Variants in NT5DC1 observed in about 807,000 individuals in gnomAD.
NT5DC1 encodes 5'-nucleotidase domain containing 1, also known as 5'-nucleotidase domain-containing protein 1.
In NT5DC1, 42 loss-of-function variants were observed where a neutral mutation model predicts 59.4. The observed-to-expected ratio is 0.71, with a 90% CI of 0.55 to 0.92. The LOEUF (loss-of-function observed/expected upper bound fraction) is 0.92, where lower values mean the gene tolerates loss of function less well. Among genes scored for constraint, NT5DC1 ranks in the 40% least tolerant of loss-of-function variants. The probability of loss-of-function intolerance (pLI) is 0.00; values close to 1 mark genes in which losing one functional copy is unlikely to be tolerated. For synonymous variants in NT5DC1, 172 were observed against 188.1 expected, an observed-to-expected ratio of 0.91 and a Z score of 0.70; for missense variants, 501 against 537.1, an observed-to-expected ratio of 0.93 and a Z score of 0.66.
intron 4 of NT5DC1, among the ~76,000 whole-genome samples, chr6:116,114,573 T>C (rs1778931949): frequency 6.6e-6 from 1 of 150,780 alleles, no homozygotes. Flanking sequence ...TATAATGATG[T>C]ATTCAAGCAC....
At chr6:116,178,084 T>C (rs1242666178) in intron 6 of NT5DC1, among the ~76,000 whole-genome samples, 5 of 91,918 alleles carry the variant, frequency 5.4e-5, no homozygotes, top group African/African-American at 2.7e-4. Context: ...TGTGTGTGTG[T>C]GTGTGCGCGC....
Position 116,247,202 on chromosome 6 carries a change from G to A in NT5DC1, c.*3178G>A, listed in dbSNP as rs753542741. On this transcript the variant is annotated 3_prime_UTR_variant, in exon 12 of 12. Transcript: ENST00000319550. ...CACACTTCAATTTAGCAATAATGTC[G>A]TGCTAGGACATGAGAGGGATTAACA... 5.3e-5 allele frequency: 8 copies of A among 152,064 alleles called. No individual in the cohort carries two copies. Among genetic ancestry groups the A allele is most frequent in the African/African-American group, 9.7e-5 (4 of 41,406 alleles). 9.4% of individuals were successfully genotyped at this position (152,064 alleles called of 1,614,324 possible).
At chr6:116,167,252 C>T (rs1036915573) in intron 6 of NT5DC1, among the ~76,000 whole-genome samples, 24 of 108,114 alleles carry the variant, frequency 2.2e-4, no homozygotes, top group Admixed American at 1.1e-3. Flanking sequence ...CTTGTTCTGT[C>T]GCCAGGCTGG....
intron 6 of NT5DC1, among the ~76,000 whole-genome samples, chr6:116,196,633 C>A (rs1348612698): frequency 6.6e-6 from 1 of 151,998 alleles, no homozygotes; most frequent in Non-Finnish European, 1.5e-5. Flanking sequence ...GGAGTAGCTT[C>A]ATTACACTAA....
chr6:116,194,479 G>A (rs1378303585), intron 6 of NT5DC1, among the ~76,000 whole-genome samples: 1 of 151,988 alleles, frequency 6.6e-6, no homozygotes, highest in Non-Finnish European at 1.5e-5. Context: ...GTGAGAAGGG[G>A]AGAATCACTA....
chr6:116,175,794 C>T (rs1350252344), intron 6 of NT5DC1, among the ~76,000 whole-genome samples: 3 of 152,050 alleles, frequency 2.0e-5, no homozygotes, highest in East Asian at 1.9e-4. Context: ...CTGAAATATC[C>T]TATCTACCCA....
intron 6 of NT5DC1, among the ~76,000 whole-genome samples, chr6:116,178,779 G>A (rs1780808854): frequency 6.6e-6 from 1 of 152,182 alleles, no homozygotes; most frequent in African/African-American, 2.4e-5. Context: ...AAGGGGAGGG[G>A]AACTCATGGA....
intron 11 of NT5DC1, among the ~76,000 whole-genome samples, 190 bp downstream of exon 11, chr6:116,239,313 A>G (rs1562177995): frequency 6.6e-6 from 1 of 150,804 alleles, no homozygotes; most frequent in African/African-American, 2.4e-5. Flanking sequence ...AAGCTCAACA[A>G]TTTTTTTTTT....
chr6:116,162,346 T>A (rs980470065), intron 6 of NT5DC1, among the ~76,000 whole-genome samples: 6 of 152,200 alleles, frequency 3.9e-5, no homozygotes, highest in African/African-American at 1.4e-4. Context: ...CACATCCTTG[T>A]CTTGGTCCAG....
At chr6:116,209,538 G>A (rs1273124403) in intron 6 of NT5DC1, among the ~76,000 whole-genome samples, 1 of 151,972 alleles carries the variant, frequency 6.6e-6, no homozygotes, top group Non-Finnish European at 1.5e-5. Flanking sequence ...CATGATGAAT[G>A]CCATCATTGA....
At chr6:116,197,582 A>G (rs1418150910) in intron 6 of NT5DC1, among the ~76,000 whole-genome samples, 1 of 152,078 alleles carries the variant, frequency 6.6e-6, no homozygotes, top group Non-Finnish European at 1.5e-5. Flanking sequence ...ACAGTATAAT[A>G]CAGTAATGAA....
chr6:116,171,393 C>G (rs1780604413), intron 6 of NT5DC1, among the ~76,000 whole-genome samples: 1 of 152,076 alleles, frequency 6.6e-6, no homozygotes, highest in Non-Finnish European at 1.5e-5. Flanking sequence ...CATTTGTAAT[C>G]TATTTGTCAG....
intron 6 of NT5DC1, among the ~76,000 whole-genome samples, chr6:116,133,807 C>G (rs1779524513): frequency 6.6e-6 from 1 of 152,256 alleles, no homozygotes; most frequent in East Asian, 1.9e-4. Context: ...TTTTTGCACC[C>G]TGGTTTCCTC....
chr6:116,214,081 T>G (rs77212607), intron 6 of NT5DC1, among the ~76,000 whole-genome samples: 5,885 of 152,180 alleles, frequency 0.039, 153 homozygotes, highest in South Asian at 0.073. Context: ...GAATTAAAAT[T>G]TTTAAGTAAA....
At chr6:116,243,262 A>C (rs530273088) in intron 11 of NT5DC1, among the ~76,000 whole-genome samples, 3 of 152,194 alleles carry the variant, frequency 2.0e-5, no homozygotes, top group African/African-American at 7.2e-5. Context: ...GGTCTCATTC[A>C]CCAGTTTTAC....
chr6:116,138,965 G>C (rs1159453373), intron 6 of NT5DC1, among the ~76,000 whole-genome samples: 1 of 152,020 alleles, frequency 6.6e-6, no homozygotes, highest in East Asian at 1.9e-4. Context: ...TGACCAGTAG[G>C]ATTTGTATAA....
Position 116,155,385 on chromosome 6 carries a change from G to A in NT5DC1, c.529+37440G>A, listed in dbSNP as rs139156609. Among the ~76,000 whole-genome samples, 366 of 152,014 alleles carry A rather than the reference G, an allele frequency of 2.4e-3. 5 individuals are homozygous for A. Among genetic ancestry groups the A allele is most frequent in the African/African-American group, 8.1e-3 (338 of 41,476 alleles). On this transcript the variant is annotated intron_variant, in intron 6 of 11. Transcript: ENST00000319550. ...TTTTATTTTTTGGTTTTTGTCACTC[G>A]CCAACACAAACATCTCTTTTGGAAT...
chr6:116,241,493 A>T (rs1029669856), intron 11 of NT5DC1, among the ~76,000 whole-genome samples: 1 of 152,282 alleles, frequency 6.6e-6, no homozygotes, highest in African/African-American at 2.4e-5. Flanking sequence ...GACTATGTTC[A>T]GTATTGATGT....
intron 6 of NT5DC1, among the ~76,000 whole-genome samples, chr6:116,200,251 A>G (rs773706063): frequency 6.6e-6 from 1 of 152,038 alleles, no homozygotes; most frequent in Non-Finnish European, 1.5e-5. Flanking sequence ...AAGTTACCAA[A>G]AACAGGGGAG....
Sources: gnomAD v4.1 joint callset for allele counts (sites outside exome capture counted in the v4.1 genomes callset) on GRCh38, gnomAD v4.1.1 for gene constraint, MANE v1.5 for transcripts, NCBI Gene and HGNC (gene_info 2026-07-23, HGNC 2026-07-21) for gene names.